CSMD1: variants seen among roughly 807,000 people sequenced by gnomAD.
CSMD1 encodes the protein CUB and sushi domain-containing protein 1.
A neutral mutation model predicts 417.5 loss-of-function variants in CSMD1; 213 were observed. The observed-to-expected ratio is 0.51, with a 90% CI of 0.46 to 0.57. The LOEUF (loss-of-function observed/expected upper bound fraction) is 0.57, where lower values mean the gene tolerates loss of function less well. Among genes scored for constraint, CSMD1 ranks in the 20% least tolerant of loss-of-function variants. CSMD1 has a pLI of 0.00. For missense variants in CSMD1, 6,923 were observed against 4,529.7 expected (o/e 1.53, Z -15.17); for synonymous variants, 2,862 against 1,736.8 (o/e 1.65, Z -16.11).
chr8:4,442,022 C>G (rs1343122053), intron 2 of CSMD1, among the ~76,000 whole-genome samples: 1 of 152,104 alleles, frequency 6.6e-6, no homozygotes, highest in African/African-American at 2.4e-5. Flanking sequence ...TCTATGTCCC[C>G]CCGCTTTTTT....
chr8:4,259,634 T>TA (rs1803731237), intron 3 of CSMD1, among the ~76,000 whole-genome samples: 1 of 152,122 alleles, frequency 6.6e-6, no homozygotes, highest in South Asian at 2.1e-4. Flanking sequence ...TCGGAGTCCT[T>TA]ACCCAAAACA....
At chr8:3,667,985 G>A (rs1050515492) in intron 7 of CSMD1, among the ~76,000 whole-genome samples, 8 of 152,080 alleles carry the variant, frequency 5.3e-5, no homozygotes, top group Non-Finnish European at 1.2e-4. Context: ...CCCCAATCCC[G>A]ATCAATATGA....
intron 69 of CSMD1, among the ~76,000 whole-genome samples, chr8:2,939,944 A>G (rs1801750438): frequency 6.6e-6 from 1 of 152,126 alleles, no homozygotes; most frequent in East Asian, 1.9e-4. Context: ...ATGCAATCCC[A>G]GAGTGGAACT....
intron 1 of CSMD1, among the ~76,000 whole-genome samples, chr8:4,979,317 C>T (rs1810743380): frequency 6.6e-6 from 1 of 152,086 alleles, no homozygotes; most frequent in Admixed American, 6.6e-5. Flanking sequence ...TTCTTGTAAT[C>T]CTTATGATAT....
At chr8:4,348,129 A>C (rs1800879821) in intron 3 of CSMD1, among the ~76,000 whole-genome samples, 1 of 152,220 alleles carries the variant, frequency 6.6e-6, no homozygotes, top group Non-Finnish European at 1.5e-5. Flanking sequence ...TAGAAGTATT[A>C]AAGAGAGAAG....
chr8:3,279,883 C>A (rs993024523), intron 26 of CSMD1, among the ~76,000 whole-genome samples: 1 of 152,176 alleles, frequency 6.6e-6, no homozygotes, highest in South Asian at 2.1e-4. Flanking sequence ...CCAACCACCT[C>A]CACCTGGTCC....
At chr8:4,093,977 G>C (rs369999268) in intron 3 of CSMD1, among the ~76,000 whole-genome samples, 2 of 143,162 alleles carry the variant, frequency 1.4e-5, no homozygotes, top group African/African-American at 2.5e-5. Flanking sequence ...TAGATAGATA[G>C]ATAGATAGAT....
intron 1 of CSMD1, among the ~76,000 whole-genome samples, chr8:4,966,457 T>C (rs1217611621): frequency 6.6e-6 from 1 of 152,122 alleles, no homozygotes; most frequent in African/African-American, 2.4e-5. Context: ...TAGGCTAATA[T>C]CAACCATCAC....
rs75004000 is a variant in CSMD1 at position 4,187,561 on chromosome 8, C to G, written c.416-155462G>C. Among the ~76,000 whole-genome samples, 951 of 150,872 alleles carry G rather than the reference C, an allele frequency of 6.3e-3. 11 individuals carry two copies. The highest frequency in any genetic ancestry group is 0.022 in the African/African-American group (920 of 41,088). Reference sequence around the variant, plus strand: ...TGGGAGACTCAGGTAGGAGAATCGCCTGAACCCAGGAGGCTAATGTAGGAG... The same window carrying G: ...TGGGAGACTCAGGTAGGAGAATCGCGTGAACCCAGGAGGCTAATGTAGGAG... On this transcript the variant is annotated intron_variant, in intron 3 of 69. Coordinates refer to ENST00000635120, the MANE Select transcript of CSMD1 (RefSeq NM_033225.6).
chr8:4,016,448 G>C (rs1407767866), intron 4 of CSMD1, among the ~76,000 whole-genome samples: 1 of 152,102 alleles, frequency 6.6e-6, no homozygotes, highest in African/African-American at 2.4e-5. Flanking sequence ...TCTCTTAGAC[G>C]TCTCCAGGTC....
chr8:4,205,579 T>C (rs1375530297), intron 3 of CSMD1, among the ~76,000 whole-genome samples: 1 of 152,178 alleles, frequency 6.6e-6, no homozygotes, highest in East Asian at 1.9e-4. Flanking sequence ...ACACAGCATA[T>C]AAATGATGGG....
At chr8:4,443,585 T>C (rs756340599) in intron 2 of CSMD1, among the ~76,000 whole-genome samples, 10 of 151,386 alleles carry the variant, frequency 6.6e-5, no homozygotes, top group Non-Finnish European at 1.5e-4. Flanking sequence ...ATAATATGCA[T>C]TTGCTTAAAA....
At position 4,815,961 on chromosome 8, in the gene CSMD1, C is replaced by T. The variant is rs186523981; in HGVS notation, c.85+178371G>A. Among the ~76,000 whole-genome samples, 60 of 151,942 alleles carry T rather than the reference C, an allele frequency of 3.9e-4. No individual in the cohort carries two copies. In the East Asian group the frequency reaches 6.2e-3, roughly 16 times the overall value. On this transcript the variant is annotated intron_variant, in intron 1 of 69. Coordinates refer to ENST00000635120, the MANE Select transcript of CSMD1 (RefSeq NM_033225.6). ...TGGAAAGTGGATTAATATTTGAAAACGGAAAAATGAGAAAGGCATTCCAGA... is the reference window on the plus strand; with the variant it reads ...TGGAAAGTGGATTAATATTTGAAAATGGAAAAATGAGAAAGGCATTCCAGA...
intron 7 of CSMD1, among the ~76,000 whole-genome samples, chr8:3,656,647 G>A (rs987421735): frequency 6.6e-6 from 1 of 152,124 alleles, no homozygotes; most frequent in East Asian, 1.9e-4. Context: ...AAGGCTTTAG[G>A]CCAGGCGTGG....
chr8:3,957,674 C>A (rs1253075498), intron 5 of CSMD1, among the ~76,000 whole-genome samples: 1 of 148,012 alleles, frequency 6.8e-6, no homozygotes, highest in African/African-American at 2.5e-5. Flanking sequence ...ATTAACAGAG[C>A]AAGACCATGT....
At chr8:3,221,346 A>AC (rs1646094312) in intron 28 of CSMD1, among the ~76,000 whole-genome samples, 1 of 152,212 alleles carries the variant, frequency 6.6e-6, no homozygotes, top group Non-Finnish European at 1.5e-5. Flanking sequence ...GGTTGGAGTT[A>AC]CTAGGTATAG....
rs751749929 is a variant in CSMD1, at chr8:4,031,949, G to A, written c.566C>T (p.Pro189Leu). Residue 189 changes from proline to leucine, a missense_variant, in exon 4 of 70, where the codon CCA becomes CTA. By Grantham distance (98) the Pro-to-Leu change is moderately conservative (BLOSUM62 -3). Coordinates refer to ENST00000635120, the MANE Select transcript of CSMD1 (RefSeq NM_033225.6). ...GHAILTCIVS[P>L]GNGASWDFPA... ...GAAGTCCCACGATGCACCATTTCCT[G>A]GGCTGACGATGCAGGTCAGGATGGC... is the stretch of plus-strand genomic sequence containing the variant. 4 of 1,613,918 alleles carry A rather than the reference G, an allele frequency of 2.5e-6. No individual in the cohort carries two copies. Among genetic ancestry groups the A allele is most frequent in the Middle Eastern group, 1.7e-4 (1 of 6,052 alleles).
chr8:4,757,242 C>A (rs1440755090), intron 1 of CSMD1, among the ~76,000 whole-genome samples: 1 of 152,106 alleles, frequency 6.6e-6, no homozygotes, highest in Non-Finnish European at 1.5e-5. Flanking sequence ...AAACAACTTG[C>A]AATTGACTAC....
At chr8:4,373,101 C>G (rs187376222) in intron 3 of CSMD1, among the ~76,000 whole-genome samples, 14 of 152,204 alleles carry the variant, frequency 9.2e-5, no homozygotes, top group African/African-American at 3.1e-4. Context: ...TCCCAAAACC[C>G]CAAACTCCAG....
Sources: allele counts gnomAD v4.1 joint callset (sites outside exome capture counted in the v4.1 genomes callset), GRCh38; gene constraint gnomAD v4.1.1; transcripts MANE v1.5; gene names NCBI Gene and HGNC (gene_info 2026-07-23, HGNC 2026-07-21).